The following XAGE5 variants were observed in gnomAD, a reference collection of about 807,000 sequenced individuals.
XAGE5 encodes G antigen, family D, 5.
In XAGE5, 13 loss-of-function variants were observed where a neutral mutation model predicts 13.1. The ratio of observed to expected loss-of-function variants is 0.99; its 90% CI spans 0.64 to 1.57. XAGE5 has a LOEUF of 1.57. XAGE5 is among the 40% of genes most tolerant of loss of function. XAGE5 has a pLI of 0.00. For missense variants in XAGE5, 86 were observed against 77.6 expected (o/e 1.11, Z -0.41); for synonymous variants, 17 against 25.0 (o/e 0.68, Z 0.96).
intron 2 of XAGE5, 109 bp from the exon 3 acceptor site, chrX:52,812,450 T>G: frequency 1.6e-6 from 1 of 626,865 alleles, no homozygotes; most frequent in South Asian, 2.9e-5. Context: ...GTTTTTGTAT[T>G]TTTAGTAGAG....
chrX:52,813,697 T>C (rs1339263554), intron 4 of XAGE5, among the ~76,000 whole-genome samples: 3 of 111,506 alleles, frequency 2.7e-5, no homozygotes, highest in African/African-American at 9.8e-5. Flanking sequence ...GATGTTAACC[T>C]CATTTTATAA....
chrX:52,815,346 G>A (rs1926887059), intron 5 of XAGE5, 129 bp downstream of exon 5: 2 of 810,913 alleles, frequency 2.5e-6, no homozygotes, highest in South Asian at 3.3e-5. Flanking sequence ...TTCTTTGGAA[G>A]GTAATTCAGA....
chrX:52,818,023 C>T (rs1449744539), intron 5 of XAGE5, among the ~76,000 whole-genome samples, 168 bp from the exon 6 acceptor site: 1 of 111,984 alleles, frequency 8.9e-6, no homozygotes, highest in African/African-American at 3.2e-5. Flanking sequence ...AGTGTATCCT[C>T]AAAGTCTCTA....
rs1556777620 is a variant in XAGE5, at chrX:52,813,222, A to G, written c.155A>G (p.Asp52Gly). The G allele has an allele frequency of 8.3e-7, 1 of 1,210,633 alleles. No individual in the cohort carries two copies. Among genetic ancestry groups the G allele is most frequent in the East Asian group, 3.0e-5 (1 of 33,785 alleles). ...ACACCTGGTCAGAAGAGAGAAGATGATCAGGGTGCAGCTGAGATTCAAGGT... is the reference window on the plus strand; with the variant it reads ...ACACCTGGTCAGAAGAGAGAAGATGGTCAGGGTGCAGCTGAGATTCAAGGT... ...DHTPGQKRED[D>G]QGAAEIQVPN... The change falls in exon 4 of 6, where the codon GAT becomes GGT. Residue 52 changes from aspartate (D) to glycine (G), a missense_variant. Physicochemically the swap from Asp to Gly is moderately conservative, Grantham distance 94. Transcript: ENST00000375501.
chrX:52,815,997 G>T (rs1926899759), intron 5 of XAGE5, among the ~76,000 whole-genome samples: 1 of 111,873 alleles, frequency 8.9e-6, no homozygotes, highest in Non-Finnish European at 1.9e-5. Context: ...TGCCGCCCAG[G>T]ATGGGGTCCA....
rs782677540 is a variant in XAGE5 at position 52,815,155 on chromosome X, A to G, written c.242A>G (p.Asp81Gly). 16 of 1,209,678 alleles carry G rather than the reference A, an allele frequency of 1.3e-5. No homozygotes were observed. The highest frequency in any genetic ancestry group is 1.8e-5 in the Non-Finnish European group (16 of 894,904). The change falls in exon 5 of 6, where the codon GAT (aspartate) becomes GGT (glycine). Residue 81 changes from aspartate to glycine, a missense_variant. By Grantham distance (94) the Asp-to-Gly change is moderately conservative. Coordinates refer to ENST00000375501, the MANE Select transcript of XAGE5 (RefSeq NM_001386970.1). Reference protein sequence around the residue: ...SQSKTGDECGDSPDVQGKILP... With the variant: ...SQSKTGDECGGSPDVQGKILP... ...TCAAAGACTGGGGATGAATGCGGAGATAGTCCTGATGTCCAGGGGAAGATT... is the reference window on the plus strand; with the variant it reads ...TCAAAGACTGGGGATGAATGCGGAGGTAGTCCTGATGTCCAGGGGAAGATT...
In XAGE5 at chrX:52,813,179, A is replaced by C. The variant is rs782008933; in HGVS notation, c.112A>C (p.Thr38Pro). 5.0e-6 allele frequency: 6 copies of C among 1,209,005 alleles called. No individual in the cohort carries two copies. The South Asian group carries it at 1.1e-4, about 21-fold the overall frequency. ...VPEPQQEEPP[T>P]ESQDHTPGQK... ...AGAGCCTCAACAAGAAGAACCACCA[A>C]CTGAAAGTCAGGATCATACACCTGG... The change falls in exon 4 of 6, where the codon ACT becomes CCT. Residue 38 changes from threonine (T) to proline (P), a missense_variant. By Grantham distance (38) the Thr-to-Pro change is conservative. Coordinates refer to ENST00000375501, the MANE Select transcript of XAGE5 (RefSeq NM_001386970.1).
At chrX:52,811,791 C>T (rs1926801819) in intron 2 of XAGE5, among the ~76,000 whole-genome samples, 72 bp downstream of exon 2, 1 of 110,540 alleles carries the variant, frequency 9.0e-6, no homozygotes, top group South Asian at 3.9e-4. Context: ...TATAACGAAC[C>T]GCAGAGGTGC....
chrX:52,813,338 A>G, intron 4 of XAGE5, 93 bp downstream of exon 4: 1 of 863,784 alleles, frequency 1.2e-6, no homozygotes. Context: ...GAGGAAAGAA[A>G]GCAATAGGAA....
chrX:52,813,036 C>G (rs1396539748), intron 3 of XAGE5, 104 bp from the exon 4 acceptor site: 19 of 604,018 alleles, frequency 3.1e-5, no homozygotes, highest in Non-Finnish European at 5.2e-5. Flanking sequence ...TGCATATGAT[C>G]AGAAGTATCT....
rs782099594 is a variant in XAGE5, at chrX:52,814,711, C to A, written c.179-381C>A. Among the ~76,000 whole-genome samples, 5 of 111,406 alleles carry A rather than the reference C, an allele frequency of 4.5e-5. No homozygotes were observed. The Admixed American group carries it at 4.8e-4, about 11-fold the overall frequency. ...AGAATTACTTTAATAAAGTTTAACC[C>A]CAACATTTTCAAGATACCTCAACAG... On this transcript the variant is annotated intron_variant, in intron 4 of 5. Transcript: ENST00000375501.
At position 52,812,407 on chromosome X, in the gene XAGE5, G is replaced by C. The variant is rs1602000808; in HGVS notation, c.-8-152G>C. Reference sequence around the variant, plus strand: ...CCTGCCTCAACTTCCCGAGTAGCTGGGATTACAGGTGCTCGCTACCACACC... The same window carrying C: ...CCTGCCTCAACTTCCCGAGTAGCTGCGATTACAGGTGCTCGCTACCACACC... On this transcript the variant is annotated intron_variant, in intron 2 of 5. Coordinates refer to ENST00000375501, the MANE Select transcript of XAGE5 (RefSeq NM_001386970.1). The C allele has an allele frequency of 7.5e-6, 3 of 398,486 alleles. No individual in the cohort carries two copies. The East Asian group carries it at 1.2e-4, about 17-fold the overall frequency. The allele number at this position is 398,486 out of a possible 1,213,427, so 32.8% of individuals were successfully genotyped here.
intron 1 of XAGE5, among the ~76,000 whole-genome samples, 49 bp downstream of exon 1, chrX:52,811,461 C>T (rs1926792602): frequency 9.0e-6 from 1 of 111,422 alleles, no homozygotes; most frequent in East Asian, 2.8e-4. Context: ...GGTCGGGGCG[C>T]GTGATTGGTG....
chrX:52,812,895 A>G (rs1297673160), intron 3 of XAGE5, among the ~76,000 whole-genome samples: 2 of 111,553 alleles, frequency 1.8e-5, no homozygotes, highest in Non-Finnish European at 3.8e-5. Flanking sequence ...TCAACCCAAC[A>G]TAAATTAAAA....
At chrX:52,812,395 C>G (rs1209325852) in intron 2 of XAGE5, 164 bp from the exon 3 acceptor site, 1 of 375,437 alleles carries the variant, frequency 2.7e-6, no homozygotes, top group African/African-American at 2.6e-5. Flanking sequence ...GCCTCAACTT[C>G]CCGAGTAGCT....
chrX:52,816,976 G>T (rs1223353483), intron 5 of XAGE5, among the ~76,000 whole-genome samples: 3 of 111,961 alleles, frequency 2.7e-5, no homozygotes, highest in Non-Finnish European at 3.8e-5. Context: ...TTAACAAAAG[G>T]AAAACTAATC....
At position 52,815,165 on chromosome X, in the gene XAGE5, T is replaced by C; in HGVS notation, c.252T>C (p.Asp84=). ...KTGDECGDSP[D]VQGKILPKSE... is the part of the protein sequence containing the mutation. ...GGGATGAATGCGGAGATAGTCCTGA[T>C]GTCCAGGGGAAGATTCTGCCAAAAT... Residue 84 remains aspartate, a synonymous_variant, in exon 5 of 6, where the codon GAT becomes GAC. Coordinates refer to ENST00000375501, the MANE Select transcript of XAGE5 (RefSeq NM_001386970.1). The C allele has an allele frequency of 3.3e-6, 4 of 1,211,249 alleles. No homozygotes were observed. Among genetic ancestry groups the C allele is most frequent in the Non-Finnish European group, 4.5e-6 (4 of 895,099 alleles).
chrX:52,815,039 T>C, intron 4 of XAGE5, 53 bp from the exon 5 acceptor site: 1 of 1,197,170 alleles, frequency 8.4e-7, no homozygotes, highest in South Asian at 1.8e-5. Flanking sequence ...GATCATCTCC[T>C]TATTTATCAT....
rs1268915370 is a variant in XAGE5, at chrX:52,815,103, G to T, written c.190G>T (p.Glu64Ter). Reference sequence around the variant, plus strand: ...TTGGTATTTTTCAGTGCCTAACCTGGAAGCTGATCTCCAGGAGCTGTCTCA... The same window carrying T: ...TTGGTATTTTTCAGTGCCTAACCTGTAAGCTGATCTCCAGGAGCTGTCTCA... ...GAAEIQVPNLEADLQELSQSK... is the reference protein window; with the variant it reads ...GAAEIQVPNL Residue 64 changes from glutamate (E) to a stop codon, truncating the protein, a stop_gained, in exon 5 of 6, where the codon GAA becomes TAA. Coordinates refer to ENST00000375501, the MANE Select transcript of XAGE5 (RefSeq NM_001386970.1). LOFTEE classifies it high-confidence loss of function. 2.5e-6 allele frequency: 3 copies of T among 1,209,626 alleles called. No individual in the cohort carries two copies. The African/African-American group carries it at 5.2e-5, about 21-fold the overall frequency.
Sources: allele counts gnomAD v4.1 joint callset (sites outside exome capture counted in the v4.1 genomes callset), GRCh38; gene constraint gnomAD v4.1.1; transcripts MANE v1.5; gene names NCBI Gene and HGNC (gene_info 2026-07-23, HGNC 2026-07-21).